MYPN: variants seen among roughly 807,000 people sequenced by gnomAD.
MYPN encodes the protein myopalladin.
In MYPN, 63 loss-of-function variants were observed where a neutral mutation model predicts 129.4. The observed-to-expected ratio is 0.49, with a 90% CI of 0.40 to 0.60. MYPN has a LOEUF of 0.60. Among genes scored for constraint, MYPN ranks in the 20% least tolerant of loss-of-function variants. The probability of loss-of-function intolerance (pLI) is 0.00; values close to 1 mark genes in which losing one functional copy is unlikely to be tolerated. For synonymous variants in MYPN, 629 were observed against 600.9 expected (o/e 1.05, Z -0.68); for missense variants, 1,596 against 1,635.4 (o/e 0.98, Z 0.42).
At position 68,177,232 on chromosome 10, in the gene MYPN, C is replaced by T. The variant is rs115909434; in HGVS notation, c.2703+1771C>T. On this transcript the variant is annotated intron_variant, in intron 12 of 19. Coordinates refer to ENST00000358913, the MANE Select transcript of MYPN (RefSeq NM_032578.4). ...TGCCATAAACCCAGTAGAAATCTCT[C>T]TTAAACCTCCATCATGAATTAACTT... Among the ~76,000 whole-genome samples, 636 of 152,316 alleles carry T rather than the reference C, an allele frequency of 4.2e-3. 6 individuals carry two copies. The highest frequency in any genetic ancestry group is 0.015 in the African/African-American group (618 of 41,570).
chr10:68,133,021 A>ATTT (rs35346306), intron 2 of MYPN, among the ~76,000 whole-genome samples: 2,815 of 116,152 alleles, frequency 0.024, 76 homozygotes, highest in South Asian at 0.057. Context: ...GTAGACCTCA[A>ATTT]TTTTTTTTTT....
Position 68,155,212 on chromosome 10 carries a change from C to CA in MYPN, c.1318-3266dup, listed in dbSNP as rs200814835. Among the ~76,000 whole-genome samples the CA allele has an allele frequency of 2.2e-3, 339 of 151,380 alleles. 4 individuals are homozygous for CA. The highest frequency in any genetic ancestry group is 7.7e-3 in the African/African-American group (319 of 41,312). On this transcript the variant is annotated intron_variant, in intron 6 of 19. Coordinates refer to ENST00000358913, the MANE Select transcript of MYPN (RefSeq NM_032578.4). ...CAAAACAACAAAAAACAAAACAAAA[C>CA]AAAAAAAACCCTTCCATTTCAGCTA...
At chr10:68,144,216 T>C (rs142395670) in intron 3 of MYPN, among the ~76,000 whole-genome samples, 12 of 152,362 alleles carry the variant, frequency 7.9e-5, no homozygotes, top group African/African-American at 2.9e-4. Context: ...TGCTCCTTTG[T>C]ATCTACCTAT....
intron 2 of MYPN, among the ~76,000 whole-genome samples, chr10:68,134,537 C>T (rs1278273496): frequency 1.3e-5 from 2 of 152,090 alleles, no homozygotes; most frequent in East Asian, 1.9e-4. Flanking sequence ...TGGCTCATGC[C>T]CGTAATCCCA....
rs748541017 is a variant in MYPN, at chr10:68,158,603, C to A, written c.1435C>A (p.Pro479Thr). 10 of 1,598,946 alleles carry A rather than the reference C, an allele frequency of 6.3e-6. No homozygotes were observed. In the South Asian group the frequency reaches 7.7e-5, roughly 12 times the overall value. Residue 479 changes from proline (P) to threonine (T), a missense_variant, in exon 7 of 20, where the codon CCA (proline) becomes ACA (threonine). Transcript: ENST00000358913. ...AGAAGGGACTTTAATAGAAGATTCT[C>A]CAGATTTTAGGATTTTACAGAAAAG... Reference protein sequence around the residue: ...YREGTLIEDSPDFRILQKKPR... With the variant: ...YREGTLIEDSTDFRILQKKPR...
At chr10:68,146,705 C>G (rs1411080015) in intron 4 of MYPN, among the ~76,000 whole-genome samples, 6 of 152,140 alleles carry the variant, frequency 3.9e-5, no homozygotes, top group Non-Finnish European at 7.4e-5. Context: ...AGATGTTGCC[C>G]TCGTCTTCTT....
Position 68,121,909 on chromosome 10 carries a change from C to A in MYPN, c.471C>A (p.Phe157Leu). Residue 157 changes from phenylalanine to leucine, a missense_variant, in exon 2 of 20, where the codon TTC becomes TTA. Physicochemically the swap from Phe to Leu is conservative, Grantham distance 22. Coordinates refer to ENST00000358913, the MANE Select transcript of MYPN (RefSeq NM_032578.4). ...TATTTTTAAATAAGGCTGCCGACTT[C>A]ATTGAAGAGCTATCCTCCCTTTTCA... ...KKVFLNKAAD[F>L]IEELSSLFKS... is the part of the protein sequence containing the mutation. 6.2e-7 allele frequency: 1 copy of A among 1,614,206 alleles called. No homozygotes were observed. Among genetic ancestry groups the A allele is most frequent in the Non-Finnish European group, 8.5e-7 (1 of 1,180,036 alleles).
chr10:68,184,586 G>A lies in MYPN; in HGVS notation c.2704-4319G>A, dbSNP rs138106623. On this transcript the variant is annotated intron_variant, in intron 12 of 19. Transcript: ENST00000358913. Reference sequence around the variant, plus strand: ...TGGAATTACAGGCACACGCCACCACGCCCAGCTAATTTTTGTATTTTTTGA... The same window carrying A: ...TGGAATTACAGGCACACGCCACCACACCCAGCTAATTTTTGTATTTTTTGA... Among the ~76,000 whole-genome samples the A allele has an allele frequency of 1.8e-3, 268 of 152,234 alleles. 1 individual carries two copies. Among genetic ancestry groups the A allele is most frequent in the African/African-American group, 6.3e-3 (260 of 41,560 alleles).
chr10:68,201,394 T>C (rs917388039), intron 17 of MYPN, among the ~76,000 whole-genome samples: 1 of 152,136 alleles, frequency 6.6e-6, no homozygotes, highest in Non-Finnish European at 1.5e-5. Flanking sequence ...GTAAGGTGGG[T>C]GCATGCCCAC....
chr10:68,090,981 C>T (rs952253755), intron 1 of MYPN, among the ~76,000 whole-genome samples: 2 of 152,124 alleles, frequency 1.3e-5, no homozygotes, highest in African/African-American at 2.4e-5. Flanking sequence ...CTCGCATTAA[C>T]CAAATTCCCA....
At chr10:68,130,205 AT>A (rs1384976352) in intron 2 of MYPN, among the ~76,000 whole-genome samples, 3 of 152,324 alleles carry the variant, frequency 2.0e-5, no homozygotes, top group African/African-American at 7.2e-5. Context: ...CACGCCTGTA[AT>A]CCCAGCACTT....
chr10:68,106,878 C>T (rs2042018401), upstream of MYPN: 1 of 707,330 alleles, frequency 1.4e-6, no homozygotes, highest in Non-Finnish European at 2.6e-6. Context: ...GTGTTCAAAC[C>T]ACAAGAAACA....
chr10:68,122,358 G>A lies in MYPN; in HGVS notation c.902+18G>A. On this transcript the variant is annotated intron_variant, in intron 2 of 19. Coordinates refer to ENST00000358913, the MANE Select transcript of MYPN (RefSeq NM_032578.4). ...CAAGTAAGGTAAAAATGTCCCATTG[G>A]TAATGCTGAGTAATGTTGCTTTCCA... The A allele has an allele frequency of 6.2e-7, 1 of 1,609,966 alleles. No individual in the cohort carries two copies. Among genetic ancestry groups the A allele is most frequent in the Non-Finnish European group, 8.5e-7 (1 of 1,178,084 alleles).
intron 13 of MYPN, among the ~76,000 whole-genome samples, chr10:68,191,793 T>G (rs2043517826): frequency 6.6e-6 from 1 of 152,182 alleles, no homozygotes; most frequent in Non-Finnish European, 1.5e-5. Flanking sequence ...ATTGCTTTCT[T>G]GATTTCTTTT....
In MYPN at chr10:68,211,783, A is replaced by G. The variant is rs544281572; in HGVS notation, c.*1328A>G. The G allele has an allele frequency of 4.8e-5, 22 of 454,118 alleles. No individual in the cohort carries two copies. The East Asian group carries it at 1.4e-3, about 29-fold the overall frequency. 28.1% of individuals were successfully genotyped at this position (454,118 alleles called of 1,614,324 possible). A position where few individuals can be genotyped will look rare whatever the true frequency, so the allele number is the denominator to read the frequency against. On this transcript the variant is annotated 3_prime_UTR_variant, in exon 20 of 20. Transcript: ENST00000358913. ...ATGCCACCCACACACCAGTCCAAAC[A>G]CTGCCCTGGGAATGCTCATCACAGC...
intron 12 of MYPN, among the ~76,000 whole-genome samples, chr10:68,187,112 C>T (rs1482938314): frequency 6.6e-6 from 1 of 152,114 alleles, no homozygotes; most frequent in East Asian, 1.9e-4. Flanking sequence ...TGGCTCACAC[C>T]TGTAATCCCA....
chr10:68,100,575 A>G (rs2041976928), intron 1 of MYPN, among the ~76,000 whole-genome samples: 1 of 152,196 alleles, frequency 6.6e-6, no homozygotes, highest in Non-Finnish European at 1.5e-5. Context: ...CAGGGTGGAT[A>G]GAAAGCAAGG....
At chr10:68,182,280 CACAT>C (rs1374672694) in intron 12 of MYPN, among the ~76,000 whole-genome samples, 6 of 28,906 alleles carry the variant, frequency 2.1e-4, no homozygotes. Context: ...ATATATAACA[CACAT>C]ATATATATAA....
intron 13 of MYPN, 29 bp from the exon 14 acceptor site, chr10:68,194,334 G>A (rs1343180610): frequency 6.2e-7 from 1 of 1,609,804 alleles, no homozygotes; most frequent in Non-Finnish European, 8.5e-7. Context: ...AAACAAAACA[G>A]TGTACATCTT....
Sources: gnomAD v4.1 joint callset for allele counts (sites outside exome capture counted in the v4.1 genomes callset) on GRCh38, gnomAD v4.1.1 for gene constraint, MANE v1.5 for transcripts, NCBI Gene and HGNC (gene_info 2026-07-23, HGNC 2026-07-21) for gene names.